The following ATAD2B variants were observed in gnomAD, a reference collection of about 807,000 sequenced individuals.
ATAD2B encodes ATPase family AAA domain-containing protein 2B.
Under a neutral mutation model 167.6 loss-of-function variants are expected in ATAD2B, and 40 were observed. The observed-to-expected ratio is 0.24, with a 90% CI of 0.19 to 0.31. The LOEUF (loss-of-function observed/expected upper bound fraction) is 0.31. Ranked by LOEUF, ATAD2B falls within the 10% of genes least tolerant of loss-of-function variation. ATAD2B has a pLI of 1.00. For synonymous variants in ATAD2B, 579 were observed against 596.5 expected, an observed-to-expected ratio of 0.97 and a Z score of 0.43; for missense variants, 1,242 against 1,757.2, an observed-to-expected ratio of 0.71 and a Z score of 5.24.
At chr2:23,873,104 C>T (rs981467431) in intron 8 of ATAD2B, 1 of 435,460 alleles carries the variant, frequency 2.3e-6, no homozygotes, top group African/African-American at 2.0e-5. Context: ...TTATTCTTTG[C>T]AATTTTGATA....
intron 17 of ATAD2B, among the ~76,000 whole-genome samples, chr2:23,812,300 A>G (rs1685721484): frequency 9.3e-6 from 1 of 107,674 alleles, no homozygotes. Context: ...AGGAGATCCT[A>G]TTCACTGCAA....
chr2:23,773,647 ATATATT>A (rs1177146497), intron 22 of ATAD2B, among the ~76,000 whole-genome samples: 1 of 152,220 alleles, frequency 6.6e-6, no homozygotes, highest in Non-Finnish European at 1.5e-5. Flanking sequence ...AATAGAAACT[ATATATT>A]TATGAGTTTT....
At chr2:23,719,001 T>C in the ATAD2B span, among the ~76,000 whole-genome samples, 1 of 152,170 alleles carries the variant, frequency 6.6e-6, no homozygotes, top group Non-Finnish European at 1.5e-5. Flanking sequence ...ATCTGCAAAG[T>C]CCCCTTTACC....
intron 1 of ATAD2B, among the ~76,000 whole-genome samples, chr2:23,917,437 T>C (rs1365592204): frequency 6.6e-6 from 1 of 152,160 alleles, no homozygotes; most frequent in Non-Finnish European, 1.5e-5. Flanking sequence ...GTATGAAACA[T>C]TTTTTCAAAT....
intron 2 of ATAD2B, among the ~76,000 whole-genome samples, chr2:23,888,663 A>C (rs1327143976): frequency 2.0e-5 from 3 of 152,196 alleles, no homozygotes; most frequent in African/African-American, 7.2e-5. Context: ...ACCCAAAAAA[A>C]AGGCTTAAGC....
the ATAD2B span, chr2:23,695,706 G>A: frequency 6.4e-7 from 1 of 1,551,640 alleles, no homozygotes; most frequent in Non-Finnish European, 8.7e-7. The surrounding 1 kb of genome is among the most constrained non-coding windows in gnomAD (Gnocchi z 7.6). Context: ...ATGAAGAGCT[G>A]ATCAAGTCAT....
chr2:23,757,090 C>T (rs1374823996), intron 25 of ATAD2B, among the ~76,000 whole-genome samples: 3 of 152,172 alleles, frequency 2.0e-5, no homozygotes, highest in Non-Finnish European at 4.4e-5. Context: ...ATCTTCTTAA[C>T]ACCTGTGGAT....
At position 23,750,191 on chromosome 2, in the gene ATAD2B, C is replaced by G. The variant is rs1675201600; in HGVS notation, c.*1855G>C. On this transcript the variant is annotated 3_prime_UTR_variant, in exon 28 of 28. Transcript: ENST00000238789. ...AAATAACCTCCCCTTTAAAATGGTT[C>G]ATCGTTAATCGCACTTGCCCACCTT... 1 of 152,050 alleles carries G rather than the reference C, an allele frequency of 6.6e-6. No individual in the cohort carries two copies. Among genetic ancestry groups the G allele is most frequent in the Non-Finnish European group, 1.5e-5 (1 of 67,970 alleles). 9.4% of individuals were successfully genotyped at this position (152,050 alleles called of 1,614,324 possible).
Position 23,841,941 on chromosome 2 carries a change from T to C in ATAD2B, c.1569-7863A>G, listed in dbSNP as rs151279921. ...ACTTTTGGGCTAGTGTGAATAATGC[T>C]GCTATGAATATTTGTTTTTGTGCTA... On this transcript the variant is annotated intron_variant, in intron 13 of 27. Coordinates refer to ENST00000238789, the MANE Select transcript of ATAD2B (RefSeq NM_017552.4). Among the ~76,000 whole-genome samples, 500 of 152,364 alleles carry C rather than the reference T, an allele frequency of 3.3e-3. 4 individuals are homozygous for C. The highest frequency in any genetic ancestry group is 0.012 in the African/African-American group (486 of 41,578).
the ATAD2B span, among the ~76,000 whole-genome samples, chr2:23,683,581 G>A: frequency 6.6e-6 from 1 of 152,192 alleles, no homozygotes; most frequent in African/African-American, 2.4e-5. Context: ...CCATGGGCCC[G>A]GGCACTGTCT....
chr2:23,881,500 T>G (rs967465100), intron 6 of ATAD2B, among the ~76,000 whole-genome samples: 1 of 151,128 alleles, frequency 6.6e-6, no homozygotes, highest in African/African-American at 2.4e-5. Context: ...TAGCTGGGAC[T>G]ACAGGCACGT....
At chr2:23,840,549 T>C (rs944866025) in intron 13 of ATAD2B, among the ~76,000 whole-genome samples, 2 of 152,238 alleles carry the variant, frequency 1.3e-5, no homozygotes, top group African/African-American at 2.4e-5. Context: ...GAACATAAAA[T>C]TATCTGCTTT....
In ATAD2B at chr2:23,810,357, A is replaced by G. The variant is rs754833075; in HGVS notation, c.2413T>C (p.Tyr805His). 1 of 1,613,916 alleles carries G rather than the reference A, an allele frequency of 6.2e-7. No individual in the cohort carries two copies. The highest frequency in any genetic ancestry group is 8.5e-7 in the Non-Finnish European group (1 of 1,179,820). The part of the protein sequence containing the change: ...SVHRLDLPAL[Y>H]SVSAKTPEES... ...TCAGGTGTTTTGGCACTAACTGAAT[A>G]AAGTGCTGGGAGATCTAGTCTATGC... The change falls in exon 18 of 28, where the codon TAT (tyrosine) becomes CAT (histidine). Residue 805 changes from tyrosine to histidine, a missense_variant. By Grantham distance (83) the Tyr-to-His change is moderately conservative. This residue lies in a region of ATAD2B where 34 missense variants were observed against 101.1 expected (regional missense o/e 0.34). Coordinates refer to ENST00000238789, the MANE Select transcript of ATAD2B (RefSeq NM_017552.4).
rs1039939645 is a variant in ATAD2B, at chr2:23,867,742, C to T, written c.1188+93G>A. 1.3e-5 allele frequency: 11 copies of T among 870,662 alleles called. 1 individual carries two copies. The highest frequency in any genetic ancestry group is 4.9e-5 in the East Asian group (2 of 40,940). The allele number at this position is 870,662 out of a possible 1,614,324, so 53.9% of individuals were successfully genotyped here. A position where few individuals can be genotyped will look rare whatever the true frequency, so the allele number is the denominator to read the frequency against. ...ATCGAAACATTAACACTGTCATATC[C>T]GAATTTTCTAGTTCTACTATGTGCT... On this transcript the variant is annotated intron_variant, in intron 10 of 27. Transcript: ENST00000238789.
the ATAD2B span, among the ~76,000 whole-genome samples, chr2:23,735,106 G>A: frequency 2.6e-5 from 4 of 152,088 alleles, no homozygotes; most frequent in African/African-American, 9.7e-5. Flanking sequence ...ACATGATAAA[G>A]TACAAATATC....
At chr2:23,883,286 A>C (rs1698225582) in intron 6 of ATAD2B, among the ~76,000 whole-genome samples, 1 of 151,516 alleles carries the variant, frequency 6.6e-6, no homozygotes, top group African/African-American at 2.4e-5. Flanking sequence ...TCTCAAAAAA[A>C]AAAAAAAAAA....
chr2:23,757,643 A>G lies in ATAD2B; in HGVS notation c.3853T>C (p.Cys1285Arg). 1 of 1,613,852 alleles carries G rather than the reference A, an allele frequency of 6.2e-7. No homozygotes were observed. Among genetic ancestry groups the G allele is most frequent in the South Asian group, 1.1e-5 (1 of 91,076 alleles). ...ACTACTTCAAGCTTGCCATTCTGAC[A>G]TTCCAGAACTGGTATTCCTTCAAAA... is the stretch of plus-strand genomic sequence containing the variant. Reference protein sequence around the residue: ...DSFEGIPVLECQNGKLEVVSF... With the variant: ...DSFEGIPVLERQNGKLEVVSF... The change falls in exon 25 of 28, where the codon TGT (cysteine) becomes CGT (arginine). Residue 1285 changes from cysteine to arginine, a missense_variant. Physicochemically the swap from Cys to Arg is radical, Grantham distance 180 (BLOSUM62 -3). Around this residue, in one of 9 missense-constraint regions of ATAD2B, gnomAD observed 282 missense variants for 346.8 expected, o/e 0.81. Coordinates refer to ENST00000238789, the MANE Select transcript of ATAD2B (RefSeq NM_017552.4).
At position 23,754,676 on chromosome 2, in the gene ATAD2B, GAGGCAC is replaced by G; in HGVS notation, c.4171_4176del (p.Val1391_Pro1392del). 6.2e-7 allele frequency: 1 copy of G among 1,612,984 alleles called. No individual in the cohort carries two copies. Among genetic ancestry groups the G allele is most frequent in the Non-Finnish European group, 8.5e-7 (1 of 1,179,310 alleles). ...AATCTCTCACGATCAACTATAAGAGGAGGCACAGGCTCAGATGGCTCTTCTGGAACC... is the reference window on the plus strand; with the variant it reads ...AATCTCTCACGATCAACTATAAGAGGAGGCTCAGATGGCTCTTCTGGAACC... On this transcript the variant is annotated inframe_deletion, in exon 26 of 28. Transcript: ENST00000238789.
At chr2:23,758,449 T>G (rs981189679) in intron 24 of ATAD2B, among the ~76,000 whole-genome samples, 2 of 152,184 alleles carry the variant, frequency 1.3e-5, no homozygotes, top group Non-Finnish European at 2.9e-5. Context: ...ATGACCACAT[T>G]ACCAGGCTGC....
Sources: gnomAD v4.1 joint callset for allele counts (sites outside exome capture counted in the v4.1 genomes callset) on GRCh38, gnomAD v4.1.1 for gene constraint, gnomAD v4.1.1 regional missense constraint, Gnocchi (gnomAD v3.1) non-coding constraint, MANE v1.5 for transcripts, NCBI Gene and HGNC (gene_info 2026-07-23, HGNC 2026-07-21) for gene names.